SLC25A21: variants seen among roughly 807,000 people sequenced by gnomAD.
SLC25A21 encodes mitochondrial 2-oxodicarboxylate carrier.
In SLC25A21, 47 loss-of-function variants were observed where a neutral mutation model predicts 43.8. That is an observed-to-expected ratio of 1.07 (90% CI 0.85 to 1.37). The LOEUF is 1.37. SLC25A21 is among the 40% of genes most tolerant of loss of function. SLC25A21 has a pLI of 0.00. For synonymous variants in SLC25A21, 131 were observed against 121.3 expected (o/e 1.08, Z -0.52); for missense variants, 352 against 350.2 (o/e 1.00, Z -0.04).
intron 4 of SLC25A21, among the ~76,000 whole-genome samples, chr14:36,729,768 T>C (rs749900212): frequency 9.9e-5 from 15 of 152,228 alleles, no homozygotes; most frequent in South Asian, 2.1e-4. Context: ...GCAGTTATAA[T>C]AACCTACAGA....
In SLC25A21 at chr14:36,976,084, G is replaced by A. The variant is rs185837247; in HGVS notation, c.71-101080C>T. Among the ~76,000 whole-genome samples, 42 of 152,294 alleles carry A rather than the reference G, an allele frequency of 2.8e-4. 1 individual carries two copies. The highest frequency in any genetic ancestry group is 4.6e-4 in the Admixed American group (7 of 15,300). ...GCTTAGAAAAATGGTAAGAGCAGAT[G>A]TTCCCATGTGTTGACCTGCCATCCC... On this transcript the variant is annotated intron_variant, in intron 1 of 9. Coordinates refer to ENST00000331299, the MANE Select transcript of SLC25A21 (RefSeq NM_030631.4).
In SLC25A21 at chr14:36,844,475, G is replaced by A. The variant is rs778046754; in HGVS notation, c.120-30474C>T. Among the ~76,000 whole-genome samples, 109 of 152,284 alleles carry A rather than the reference G, an allele frequency of 7.2e-4. 1 individual carries two copies. The highest frequency in any genetic ancestry group is 1.3e-3 in the Non-Finnish European group (86 of 68,028). On this transcript the variant is annotated intron_variant, in intron 2 of 9. Coordinates refer to ENST00000331299, the MANE Select transcript of SLC25A21 (RefSeq NM_030631.4). ...GTCACATAAAACTGGATTATCCAGAGAAGGTGAGGTATGAGGAAGGAAAAA... is the reference window on the plus strand; with the variant it reads ...GTCACATAAAACTGGATTATCCAGAAAAGGTGAGGTATGAGGAAGGAAAAA...
chr14:36,886,659 T>C (rs769600729), intron 1 of SLC25A21, among the ~76,000 whole-genome samples: 17 of 152,208 alleles, frequency 1.1e-4, no homozygotes, highest in Non-Finnish European at 1.9e-4. Flanking sequence ...GACAGAGTTT[T>C]AAAATAAGTG....
chr14:37,082,571 A>G (rs1042631774), intron 1 of SLC25A21, among the ~76,000 whole-genome samples: 10 of 152,196 alleles, frequency 6.6e-5, no homozygotes, highest in Admixed American at 1.3e-4. Flanking sequence ...GTTATGAAGA[A>G]TGAATTAACT....
intron 3 of SLC25A21, among the ~76,000 whole-genome samples, chr14:36,759,321 A>T (rs1438160320): frequency 6.6e-6 from 1 of 152,188 alleles, no homozygotes; most frequent in African/African-American, 2.4e-5. Context: ...AGGAAAAGCA[A>T]TCTTGAAATG....
chr14:36,753,983 A>T (rs902095821), intron 3 of SLC25A21, among the ~76,000 whole-genome samples: 8 of 149,226 alleles, frequency 5.4e-5, no homozygotes, highest in Non-Finnish European at 1.1e-4. Flanking sequence ...AAGCGAGCAG[A>T]TCAAAGAGAG....
intron 1 of SLC25A21, among the ~76,000 whole-genome samples, chr14:37,040,746 T>TG (rs1961454346): frequency 6.6e-6 from 1 of 151,878 alleles, no homozygotes; most frequent in Non-Finnish European, 1.5e-5. Context: ...TGTGGAGACT[T>TG]GGAGACGTGG....
chr14:36,761,375 C>T (rs771460594), intron 3 of SLC25A21, among the ~76,000 whole-genome samples: 1 of 152,242 alleles, frequency 6.6e-6, no homozygotes, highest in Non-Finnish European at 1.5e-5. Flanking sequence ...TGTGACTGCG[C>T]TCCTCTCTCT....
intron 3 of SLC25A21, among the ~76,000 whole-genome samples, chr14:36,764,101 AAGGAAG>A (rs1886287062): frequency 1.5e-5 from 1 of 65,790 alleles, no homozygotes; most frequent in African/African-American, 8.0e-5. Flanking sequence ...GGAAGGAAGG[AAGGAAG>A]GAAGGAAAGA....
intron 1 of SLC25A21, among the ~76,000 whole-genome samples, chr14:36,947,622 A>G (rs1892707664): frequency 6.6e-6 from 1 of 152,162 alleles, no homozygotes; most frequent in East Asian, 1.9e-4. Context: ...CTCCCCATAT[A>G]TAGACACACA....
chr14:36,766,552 T>C (rs1886423090), intron 3 of SLC25A21, among the ~76,000 whole-genome samples: 1 of 152,136 alleles, frequency 6.6e-6, no homozygotes, highest in Non-Finnish European at 1.5e-5. Context: ...TCTTAATCCT[T>C]TTTTCCAATT....
intron 1 of SLC25A21, among the ~76,000 whole-genome samples, chr14:37,127,122 G>A (rs1458930205): frequency 1.3e-5 from 2 of 152,114 alleles, no homozygotes; most frequent in South Asian, 2.1e-4. Context: ...TTTGTTATAC[G>A]TAAACAGCGC....
intron 1 of SLC25A21, among the ~76,000 whole-genome samples, chr14:36,957,009 A>G (rs948986948): frequency 3.9e-5 from 6 of 152,242 alleles, no homozygotes; most frequent in African/African-American, 1.2e-4. Flanking sequence ...TTGTTTTTCA[A>G]TGGCACAACA....
At position 36,943,774 on chromosome 14, in the gene SLC25A21, G is replaced by A. The variant is rs180945095; in HGVS notation, c.71-68770C>T. Among the ~76,000 whole-genome samples the A allele has an allele frequency of 2.2e-4, 34 of 152,112 alleles. 1 individual carries two copies. The highest frequency in any genetic ancestry group is 6.2e-4 in the South Asian group (3 of 4,804). Reference sequence around the variant, plus strand: ...TGCAAAGTCAGGTCAGGAAGGTTTCGCCAAGGCTTGGAAATAAGAACAGGG... The same window carrying A: ...TGCAAAGTCAGGTCAGGAAGGTTTCACCAAGGCTTGGAAATAAGAACAGGG... On this transcript the variant is annotated intron_variant, in intron 1 of 9. Transcript: ENST00000331299.
chr14:37,061,617 T>C (rs1283976002), intron 1 of SLC25A21, among the ~76,000 whole-genome samples: 2 of 151,492 alleles, frequency 1.3e-5, no homozygotes, highest in African/African-American at 4.9e-5. Context: ...AGAAAAAAAA[T>C]CAAGTACAAA....
chr14:36,898,789 G>C (rs1329568239), intron 1 of SLC25A21, among the ~76,000 whole-genome samples: 1 of 152,094 alleles, frequency 6.6e-6, no homozygotes, highest in African/African-American at 2.4e-5. Flanking sequence ...CAGTGGCCAG[G>C]GAGATGTTGA....
intron 1 of SLC25A21, among the ~76,000 whole-genome samples, chr14:36,998,325 C>G (rs1960415659): frequency 6.6e-6 from 1 of 152,052 alleles, no homozygotes; most frequent in East Asian, 1.9e-4. Flanking sequence ...AGAAAATATG[C>G]TGGAAAATAC....
intron 1 of SLC25A21, among the ~76,000 whole-genome samples, chr14:37,098,806 T>TAGATAGATA (rs1491150034): frequency 2.4e-4 from 1 of 4,166 alleles, no homozygotes; most frequent in African/African-American, 2.7e-4. Flanking sequence ...GATAGATAGA[T>TAGATAGATA]TTTTTTTTTT....
chr14:36,923,912 G>A (rs545424966), intron 1 of SLC25A21, among the ~76,000 whole-genome samples: 2 of 152,136 alleles, frequency 1.3e-5, no homozygotes, highest in African/African-American at 4.8e-5. Context: ...GCAGCCAACA[G>A]ACACATGAAA....
Sources: allele counts gnomAD v4.1 joint callset (sites outside exome capture counted in the v4.1 genomes callset), GRCh38; gene constraint gnomAD v4.1.1; transcripts MANE v1.5; gene names NCBI Gene and HGNC (gene_info 2026-07-23, HGNC 2026-07-21).